The following EBF2 variants were observed in gnomAD, a reference collection of about 807,000 sequenced individuals.
The protein encoded by EBF2 is transcription factor COE2.
Under a neutral mutation model 72.8 loss-of-function variants are expected in EBF2, and 21 were observed. That is an observed-to-expected ratio of 0.29 (90% confidence interval 0.20 to 0.42). EBF2 has a LOEUF of 0.42. Ranked by LOEUF, EBF2 falls within the 10% of genes least tolerant of loss-of-function variation. The pLI, the probability that EBF2 is intolerant of heterozygous loss-of-function variation, is 1.00. For synonymous variants in EBF2, 299 were observed against 274.2 expected (o/e 1.09, Z -0.89); for missense variants, 637 against 731.2 (o/e 0.87, Z 1.49).
intron 6 of EBF2, among the ~76,000 whole-genome samples, chr8:25,981,592 T>G (rs555577773): frequency 3.2e-4 from 48 of 152,200 alleles, no homozygotes; most frequent in African/African-American, 9.9e-4. Context: ...GGTCAGGAGT[T>G]TGAGACCAGC....
At chr8:25,879,757 C>T (rs141285922) in intron 10 of EBF2, among the ~76,000 whole-genome samples, 9 of 152,150 alleles carry the variant, frequency 5.9e-5, no homozygotes, top group African/African-American at 9.7e-5. Context: ...TCTTTCATGG[C>T]GATCTCATCT....
chr8:25,896,168 G>A (rs1450694357), intron 7 of EBF2, among the ~76,000 whole-genome samples: 1 of 152,180 alleles, frequency 6.6e-6, no homozygotes, highest in Non-Finnish European at 1.5e-5. Context: ...TCTGCTCTTT[G>A]AAACAGACGA....
intron 6 of EBF2, among the ~76,000 whole-genome samples, chr8:25,970,848 T>A (rs1804178831): frequency 6.6e-6 from 1 of 152,176 alleles, no homozygotes; most frequent in South Asian, 2.1e-4. Flanking sequence ...ATTTATTTAT[T>A]TAGAGACAGG....
intron 6 of EBF2, among the ~76,000 whole-genome samples, chr8:25,982,913 T>A (rs1234862289): frequency 1.3e-5 from 2 of 151,236 alleles, no homozygotes; most frequent in Non-Finnish European, 2.9e-5. Context: ...TATATCTTTA[T>A]ATATTATGTT....
At chr8:25,899,238 GTT>G (rs78193563) in intron 7 of EBF2, among the ~76,000 whole-genome samples, 24 of 140,316 alleles carry the variant, frequency 1.7e-4, no homozygotes, top group African/African-American at 4.7e-4. Context: ...ACCCTCCACA[GTT>G]TTTTTTTTTT....
chr8:26,015,686 G>A (rs188821804), intron 6 of EBF2, among the ~76,000 whole-genome samples: 1 of 152,318 alleles, frequency 6.6e-6, no homozygotes, highest in Non-Finnish European at 1.5e-5. Flanking sequence ...ATACACAAAG[G>A]AGATTTTCTT....
Position 25,861,372 on chromosome 8 carries a change from C to T in EBF2, c.1101G>A (p.Glu367=). The T allele has an allele frequency of 3.7e-6, 6 of 1,614,122 alleles. No individual in the cohort carries two copies. The highest frequency in any genetic ancestry group is 5.1e-6 in the Non-Finnish European group (6 of 1,180,018). ...GATCTGCAGCTCTTTTCAACAGCAT[C>T]TCCTGGAAAATAAGCGAGGATGGGA... ...HPGDPERLAK[E]MLLKRAADLV... The change falls in exon 12 of 16, where the codon GAG becomes GAA. Residue 367 remains glutamate (E), a splice_region_variant and synonymous_variant. Coordinates refer to ENST00000520164, the MANE Select transcript of EBF2 (RefSeq NM_022659.4).
At chr8:26,004,536 G>A (rs374596183) in intron 6 of EBF2, among the ~76,000 whole-genome samples, 5 of 151,852 alleles carry the variant, frequency 3.3e-5, no homozygotes, top group East Asian at 1.9e-4. Context: ...CTAGCTGGGC[G>A]TGGTGGCATA....
intron 6 of EBF2, among the ~76,000 whole-genome samples, chr8:25,935,346 A>G (rs539517376): frequency 1.3e-5 from 2 of 152,302 alleles, no homozygotes; most frequent in South Asian, 2.1e-4. Flanking sequence ...TCATCCCTTT[A>G]CAACATGGGG....
At chr8:25,962,339 G>A (rs1264227414) in intron 6 of EBF2, among the ~76,000 whole-genome samples, 10 of 152,036 alleles carry the variant, frequency 6.6e-5, no homozygotes, top group Non-Finnish European at 7.4e-5. Context: ...GGGCTGTCTT[G>A]GAAAACAAGT....
intron 6 of EBF2, among the ~76,000 whole-genome samples, chr8:25,939,594 T>A (rs551124499): frequency 2.4e-4 from 36 of 152,356 alleles, no homozygotes; most frequent in African/African-American, 8.2e-4. Context: ...CTTCTCTGCA[T>A]AAGTTCAGAG....
intron 10 of EBF2, among the ~76,000 whole-genome samples, chr8:25,877,944 G>A (rs1276757156): frequency 1.3e-5 from 2 of 152,142 alleles, no homozygotes; most frequent in Non-Finnish European, 2.9e-5. Flanking sequence ...ATTTGGCATT[G>A]TCTGGAATGG....
chr8:26,042,946 C>A (rs1189639628), intron 1 of EBF2, among the ~76,000 whole-genome samples: 1 of 152,162 alleles, frequency 6.6e-6, no homozygotes, highest in Non-Finnish European at 1.5e-5. Context: ...CGCTGGCCAC[C>A]ACAAATGAGA....
At chr8:25,852,415 C>CCCCAAATGG (rs1298821104) in intron 14 of EBF2, among the ~76,000 whole-genome samples, 6 of 152,168 alleles carry the variant, frequency 3.9e-5, no homozygotes, top group African/African-American at 1.4e-4. Flanking sequence ...TACCATGGTC[C>CCCCAAATGG]CCCAAATGGC....
chr8:25,895,248 T>C (rs1802848447), intron 7 of EBF2, among the ~76,000 whole-genome samples: 1 of 152,214 alleles, frequency 6.6e-6, no homozygotes, highest in Non-Finnish European at 1.5e-5. Context: ...ACCAATTTAT[T>C]TAGGACAAAG....
At chr8:25,902,095 G>A (rs149554404) in intron 7 of EBF2, among the ~76,000 whole-genome samples, 3 of 152,152 alleles carry the variant, frequency 2.0e-5, no homozygotes, top group Non-Finnish European at 4.4e-5. Context: ...TCCTATCTAT[G>A]ACAGTGAATT....
At chr8:25,986,008 A>AAAAAAAAAAAAAAAAC in intron 6 of EBF2, among the ~76,000 whole-genome samples, 2 of 147,288 alleles carry the variant, frequency 1.4e-5, no homozygotes, top group Non-Finnish European at 1.5e-5. Flanking sequence ...TCTCAAAAAA[A>AAAAAAAAAAAAAAAAC]AAAAAAAAAA....
chr8:25,953,573 G>A (rs1362646672), intron 6 of EBF2, among the ~76,000 whole-genome samples: 1 of 152,182 alleles, frequency 6.6e-6, no homozygotes, highest in Non-Finnish European at 1.5e-5. Context: ...AAAAGACACT[G>A]AATGCAGTCA....
chr8:25,886,978 G>T, intron 9 of EBF2, 97 bp from the exon 10 acceptor site: 2 of 1,379,342 alleles, frequency 1.4e-6, no homozygotes, highest in Admixed American at 2.4e-5. Flanking sequence ...CTCCCCAGGG[G>T]CTTCTTTCTC....
Sources: allele counts gnomAD v4.1 joint callset (sites outside exome capture counted in the v4.1 genomes callset), GRCh38; gene constraint gnomAD v4.1.1; transcripts MANE v1.5; gene names NCBI Gene and HGNC (gene_info 2026-07-23, HGNC 2026-07-21).